The following SLAIN2 variants were observed in gnomAD, a reference collection of about 807,000 sequenced individuals.
The protein encoded by SLAIN2 is SLAIN motif-containing protein 2.
In SLAIN2, 31 loss-of-function variants were observed where a neutral mutation model predicts 56.6. The ratio of observed to expected loss-of-function variants is 0.55; its 90% confidence interval spans 0.41 to 0.74. The LOEUF is 0.74. Ranked by LOEUF, SLAIN2 falls within the 30% of genes least tolerant of loss-of-function variation. The pLI is 0.00. For synonymous variants in SLAIN2, 317 were observed against 284.9 expected (o/e 1.11, Z -1.13); for missense variants, 777 against 754.2 (o/e 1.03, Z -0.35).
intron 1 of SLAIN2, among the ~76,000 whole-genome samples, chr4:48,361,003 A>G (rs989970373): frequency 6.6e-6 from 1 of 152,254 alleles, no homozygotes; most frequent in Non-Finnish European, 1.5e-5. Flanking sequence ...AAACAGGACA[A>G]AAATGAATAA....
rs1341792205 is a variant in SLAIN2 at position 48,341,925 on chromosome 4, G to A, written c.186G>A (p.Ala62=). The A allele has an allele frequency of 6.0e-6, 9 of 1,504,362 alleles. No homozygotes were observed. In the South Asian group the frequency reaches 1.1e-4, roughly 19 times the overall value. The allele number at this position is 1,504,362 out of a possible 1,614,324, so 93.2% of individuals were successfully genotyped here. A position where few individuals can be genotyped will look rare whatever the true frequency, so the allele number is the denominator to read the frequency against. The stretch of plus-strand genomic sequence containing the variant: ...CGTCCATTCCCTCCTCCGGCGCGGC[G>A]TCTCCTCGGGGCTTCCCCTTGGGCC... The part of the protein sequence containing the change: ...AGASIPSSGA[A]SPRGFPLGLS... The change falls in exon 1 of 8, where the codon GCG becomes GCA. Residue 62 remains alanine (A), a synonymous_variant. Coordinates refer to ENST00000264313, the MANE Select transcript of SLAIN2 (RefSeq NM_020846.2).
At chr4:48,366,394 T>C (rs1715521167) in intron 1 of SLAIN2, among the ~76,000 whole-genome samples, 1 of 152,238 alleles carries the variant, frequency 6.6e-6, no homozygotes, top group Non-Finnish European at 1.5e-5. Context: ...TTTTCAGTTA[T>C]TAAGAGTCGG....
intron 6 of SLAIN2, among the ~76,000 whole-genome samples, chr4:48,409,007 G>A (rs1716777312): frequency 6.6e-6 from 1 of 152,164 alleles, no homozygotes; most frequent in Admixed American, 6.5e-5. Context: ...ACAGTAGCAT[G>A]CTGTATTGGT....
chr4:48,358,944 C>T (rs1191566343), intron 1 of SLAIN2, among the ~76,000 whole-genome samples: 2 of 152,044 alleles, frequency 1.3e-5, no homozygotes, highest in African/African-American at 4.8e-5. Context: ...TGGTCTTGAA[C>T]TCCTGACCTC....
At chr4:48,377,046 A>G (rs1715836120) in intron 2 of SLAIN2, among the ~76,000 whole-genome samples, 1 of 150,646 alleles carries the variant, frequency 6.6e-6, no homozygotes, top group African/African-American at 2.4e-5. Context: ...CATAGCTTTT[A>G]GAAAAAGTAA....
At position 48,424,288 on chromosome 4, in the gene SLAIN2, G is replaced by A. The variant is rs112417854; in HGVS notation, c.*2211G>A. The A allele has an allele frequency of 6.6e-4, 100 of 152,164 alleles. No individual in the cohort carries two copies. Among genetic ancestry groups the A allele is most frequent in the Admixed American group, 2.4e-3 (36 of 15,268 alleles). The allele number at this position is 152,164 out of a possible 1,614,324, so 9.4% of individuals were successfully genotyped here. On this transcript the variant is annotated 3_prime_UTR_variant, in exon 8 of 8. Coordinates refer to ENST00000264313, the MANE Select transcript of SLAIN2 (RefSeq NM_020846.2). ...AGAAAAATTGCCTTTTTACTAGAAA[G>A]CCTTTGTATATTGCAATTTTTCTGT...
intron 6 of SLAIN2, among the ~76,000 whole-genome samples, chr4:48,419,033 T>C (rs1717075160): frequency 6.6e-6 from 1 of 152,200 alleles, no homozygotes; most frequent in South Asian, 2.1e-4. Flanking sequence ...GATGGACATT[T>C]GAGCTTTTTT....
chr4:48,350,677 T>G (rs548142150), intron 1 of SLAIN2, among the ~76,000 whole-genome samples: 1 of 152,322 alleles, frequency 6.6e-6, no homozygotes, highest in African/African-American at 2.4e-5. Flanking sequence ...TCTGAGATCT[T>G]TTGGGATCGA....
At chr4:48,400,102 G>A (rs770832776) in intron 6 of SLAIN2, among the ~76,000 whole-genome samples, 2 of 152,082 alleles carry the variant, frequency 1.3e-5, no homozygotes, top group Non-Finnish European at 2.9e-5. Flanking sequence ...TGTACCTCTG[G>A]TAGAATTCAG....
At chr4:48,365,923 C>A (rs1180237934) in intron 1 of SLAIN2, among the ~76,000 whole-genome samples, 2 of 151,572 alleles carry the variant, frequency 1.3e-5, no homozygotes, top group Non-Finnish European at 2.9e-5. Flanking sequence ...GATTTTAGAC[C>A]TCTTTTCTTT....
At chr4:48,404,055 C>T (rs998821144) in intron 6 of SLAIN2, among the ~76,000 whole-genome samples, 1 of 152,168 alleles carries the variant, frequency 6.6e-6, no homozygotes, top group Non-Finnish European at 1.5e-5. Context: ...CATTGCCTCA[C>T]CCTGCTTCTT....
intron 6 of SLAIN2, chr4:48,394,629 C>T: frequency 6.5e-7 from 1 of 1,535,912 alleles, no homozygotes; most frequent in African/African-American, 1.4e-5. Context: ...CAAACAGTTG[C>T]TTCAAACTTC....
At position 48,342,068 on chromosome 4, in the gene SLAIN2, A is replaced by T; in HGVS notation, c.329A>T (p.Glu110Val). The change falls in exon 1 of 8, where the codon GAG (glutamate) becomes GTG (valine). Residue 110 changes from glutamate to valine, a missense_variant. Glu to Val is a moderately radical substitution (Grantham distance 121). Coordinates refer to ENST00000264313, the MANE Select transcript of SLAIN2 (RefSeq NM_020846.2). ...GAGGGCGGCTTGCTGGACGAGGTGG[A>T]GCCGCTGCGGCCCGACGAGCTGGAG... Reference protein sequence around the residue: ...AGEGGLLDEVEPLRPDELERL... With the variant: ...AGEGGLLDEVVPLRPDELERL... 7.3e-7 allele frequency: 1 copy of T among 1,377,940 alleles called. No homozygotes were observed. The highest frequency in any genetic ancestry group is 9.3e-7 in the Non-Finnish European group (1 of 1,074,448). The allele number at this position is 1,377,940 out of a possible 1,614,324, so 85.4% of individuals were successfully genotyped here.
chr4:48,373,112 C>G (rs1349086185), intron 2 of SLAIN2, among the ~76,000 whole-genome samples: 1 of 152,094 alleles, frequency 6.6e-6, no homozygotes, highest in Non-Finnish European at 1.5e-5. Context: ...AAGATTCTTC[C>G]TTTTCTACCC....
intron 1 of SLAIN2, among the ~76,000 whole-genome samples, chr4:48,359,975 G>T (rs542417555): frequency 6.6e-6 from 1 of 152,010 alleles, no homozygotes; most frequent in Non-Finnish European, 1.5e-5. Context: ...CCAACGTGGT[G>T]AAACCCCGTC....
intron 1 of SLAIN2, among the ~76,000 whole-genome samples, chr4:48,360,069 G>A (rs1290459526): frequency 2.6e-5 from 4 of 151,250 alleles, no homozygotes; most frequent in African/African-American, 9.7e-5. Context: ...CAGGAGAATC[G>A]CTTGAACCTG....
chr4:48,411,895 C>T (rs1177898964), intron 6 of SLAIN2, among the ~76,000 whole-genome samples: 4 of 152,042 alleles, frequency 2.6e-5, no homozygotes, highest in Non-Finnish European at 1.5e-5. Flanking sequence ...TTCTTCCTAC[C>T]CACTTGTATT....
At chr4:48,372,582 G>A (rs966532792) in intron 2 of SLAIN2, among the ~76,000 whole-genome samples, 50 of 152,136 alleles carry the variant, frequency 3.3e-4, no homozygotes, top group Non-Finnish European at 7.4e-5. Flanking sequence ...ACCTGGACTT[G>A]GGTAAAAGTA....
chr4:48,383,047 A>T, intron 5 of SLAIN2, 120 bp downstream of exon 5: 1 of 1,044,712 alleles, frequency 9.6e-7, no homozygotes, highest in Non-Finnish European at 1.3e-6. Context: ...GCACATCTAT[A>T]GTCCTAGTGA....
Sources: gnomAD v4.1 joint callset for allele counts (sites outside exome capture counted in the v4.1 genomes callset) on GRCh38, gnomAD v4.1.1 for gene constraint, MANE v1.5 for transcripts, NCBI Gene and HGNC (gene_info 2026-07-23, HGNC 2026-07-21) for gene names.